Variants in TEX14 observed in about 807,000 individuals in gnomAD.
TEX14 encodes inactive serine/threonine-protein kinase TEX14.
Under a neutral mutation model 178.6 loss-of-function variants are expected in TEX14, and 168 were observed. The observed-to-expected ratio is 0.94, with a 90% CI of 0.83 to 1.07. The LOEUF (loss-of-function observed/expected upper bound fraction) is 1.07, where lower values mean the gene tolerates loss of function less well. TEX14 is among the 50% of genes least tolerant of loss of function. The pLI is 0.00. For synonymous variants in TEX14, 626 were observed against 634.1 expected, an observed-to-expected ratio of 0.99 and a Z score of 0.19; for missense variants, 1,730 against 1,753.6, an observed-to-expected ratio of 0.99 and a Z score of 0.24.
At position 58,588,241 on chromosome 17, in the gene TEX14, T is replaced by C. The variant is rs1481273021; in HGVS notation, c.2577-220A>G. On this transcript the variant is annotated intron_variant, in intron 15 of 31. Transcript: ENST00000349033. ...ATGGTTCAGGTGAGGGTTCTGCTCC[T>C]GCCCGTCCATCAGAATTCTCTGGTA... Among the ~76,000 whole-genome samples the C allele has an allele frequency of 3.3e-5, 5 of 152,322 alleles. No homozygotes were observed. In the South Asian group the frequency reaches 6.2e-4, roughly 19 times the overall value.
Position 58,616,199 on chromosome 17 carries a change from C to T in TEX14, c.743G>A (p.Ser248Asn), listed in dbSNP as rs766010390. 2 of 1,613,896 alleles carry T rather than the reference C, an allele frequency of 1.2e-6. No homozygotes were observed. The highest frequency in any genetic ancestry group is 2.2e-5 in the South Asian group (2 of 91,050). Residue 248 changes from serine (S) to asparagine (N), a missense_variant, in exon 7 of 32, where the codon AGC becomes AAC. Physicochemically the swap from Ser to Asn is conservative, Grantham distance 46. Transcript: ENST00000349033. Reference protein sequence around the residue: ...ADDEPTFSFFSGPYMVMTNLV... With the variant: ...ADDEPTFSFFNGPYMVMTNLV... ...CTTGGTCATGACCATGTAGGGGCCG[C>T]TGAAGAAAGAGAAGGTGGGCTCATC...
intron 2 of TEX14, chr17:58,631,888 C>G (rs550446017): frequency 7.9e-5 from 12 of 152,290 alleles, no homozygotes; most frequent in South Asian, 2.1e-4. Context: ...ACATATTATG[C>G]TGATGGTGAG....
intron 10 of TEX14, among the ~76,000 whole-genome samples, chr17:58,608,314 G>A (rs1054459870): frequency 6.6e-6 from 1 of 152,080 alleles, no homozygotes; most frequent in Non-Finnish European, 1.5e-5. Flanking sequence ...CTACTTGGGA[G>A]GCTGAGGCAG....
At chr17:58,591,772 T>C (rs1239059760) in intron 15 of TEX14, among the ~76,000 whole-genome samples, 1 of 149,714 alleles carries the variant, frequency 6.7e-6, no homozygotes, top group Non-Finnish European at 1.5e-5. Context: ...GAAAAACATA[T>C]ATTGGCTGGG....
intron 2 of TEX14, among the ~76,000 whole-genome samples, chr17:58,650,306 C>G (rs1308279285): frequency 2.6e-5 from 4 of 152,140 alleles, no homozygotes; most frequent in Non-Finnish European, 4.4e-5. Context: ...CCCTCCTTGG[C>G]CTCCCAAAGT....
At chr17:58,566,565 G>A (rs1455391867) in intron 26 of TEX14, among the ~76,000 whole-genome samples, 1 of 152,130 alleles carries the variant, frequency 6.6e-6, no homozygotes, top group Non-Finnish European at 1.5e-5. Flanking sequence ...TTGGGAGGCC[G>A]AGGCAGGGGG....
intron 5 of TEX14, among the ~76,000 whole-genome samples, chr17:58,619,298 T>C (rs1192663133): frequency 6.6e-6 from 1 of 152,182 alleles, no homozygotes; most frequent in Non-Finnish European, 1.5e-5. Flanking sequence ...CTTACCTAAA[T>C]TTCTCAGCAC....
chr17:58,613,541 C>G lies in TEX14; in HGVS notation c.885G>C (p.Lys295Asn), dbSNP rs1360506414. ...LLIAEQEHSSKLRHPYLLQLM... is the reference protein window; with the variant it reads ...LLIAEQEHSSNLRHPYLLQLM... ...ACTGTAGCAAGTAGGGGTGCCGCAG[C>G]TTGCTGCAAAAGAAAAGAAGCTTCA... is the stretch of plus-strand genomic sequence containing the variant. The change falls in exon 9 of 32, where the codon AAG becomes AAC. Residue 295 changes from lysine (K) to asparagine (N), a missense_variant. Lys to Asn is a moderately conservative substitution (Grantham distance 94). Around this residue, in one of 2 missense-constraint regions of TEX14, gnomAD observed 789 missense variants for 681.2 expected, o/e 1.16. Transcript: ENST00000349033. The G allele has an allele frequency of 6.2e-7, 1 of 1,613,598 alleles. No individual in the cohort carries two copies. Among genetic ancestry groups the G allele is most frequent in the African/African-American group, 1.3e-5 (1 of 74,996 alleles).
chr17:58,618,936 T>C (rs2045935873), intron 5 of TEX14, among the ~76,000 whole-genome samples: 1 of 152,250 alleles, frequency 6.6e-6, no homozygotes, highest in Non-Finnish European at 1.5e-5. Flanking sequence ...GATAATCAGC[T>C]ATATGGTCAC....
intron 1 of TEX14, among the ~76,000 whole-genome samples, chr17:58,685,435 C>CAAA (rs761981101): frequency 1.3e-5 from 1 of 78,658 alleles, no homozygotes; most frequent in African/African-American, 4.7e-5. Flanking sequence ...GACTCGGTGT[C>CAAA]AAAAAAAAAA....
At chr17:58,661,648 C>G (rs1567765267) in intron 1 of TEX14, 1 of 649,342 alleles carries the variant, frequency 1.5e-6, no homozygotes, top group African/African-American at 1.8e-5. Flanking sequence ...TCTGGACACA[C>G]GTAAAGATTC....
chr17:58,577,282 C>G (rs1428976132), intron 21 of TEX14, 93 bp downstream of exon 21: 13 of 510,068 alleles, frequency 2.5e-5, no homozygotes, highest in Non-Finnish European at 3.8e-5. Flanking sequence ...GCTAATACAT[C>G]TGAAGACAAG....
chr17:58,648,273 C>G (rs1432763972), intron 2 of TEX14, among the ~76,000 whole-genome samples: 1 of 152,188 alleles, frequency 6.6e-6, no homozygotes, highest in Non-Finnish European at 1.5e-5. Flanking sequence ...GAACCCCACA[C>G]AGGCCAGTGC....
intron 1 of TEX14, among the ~76,000 whole-genome samples, chr17:58,689,868 G>A (rs1463916449): frequency 7.2e-6 from 1 of 138,440 alleles, no homozygotes; most frequent in African/African-American, 2.7e-5. Flanking sequence ...TTTTTTTTCT[G>A]AGATGGAGTC....
intron 1 of TEX14, among the ~76,000 whole-genome samples, chr17:58,673,763 G>A (rs901454805): frequency 6.6e-6 from 1 of 151,630 alleles, no homozygotes; most frequent in African/African-American, 2.4e-5. Context: ...TCTACAGTTG[G>A]GGTTAAGCCA....
intron 9 of TEX14, 25 bp from the exon 10 acceptor site, chr17:58,611,364 CG>C: frequency 6.4e-7 from 1 of 1,557,180 alleles, no homozygotes. Flanking sequence ...TGAAATGCCA[CG>C]AAAAAAAAAA....
chr17:58,644,148 C>G (rs985794123), intron 2 of TEX14, among the ~76,000 whole-genome samples: 4 of 151,968 alleles, frequency 2.6e-5, no homozygotes, highest in Admixed American at 1.3e-4. Flanking sequence ...TCACCAATGA[C>G]CAATGATTTA....
rs2044225572 is a variant in TEX14, at chr17:58,559,450, TA to T, written c.4267+2del. ...TACATTATAAACATACATTAATTCATACCTTCTTCAGAAGTCCCTAGAACAC... is the reference window on the plus strand; with the variant it reads ...TACATTATAAACATACATTAATTCATCCTTCTTCAGAAGTCCCTAGAACAC... On this transcript the variant is annotated splice_donor_variant, in intron 30 of 31. Transcript: ENST00000349033. LOFTEE classifies it high-confidence loss of function. 4 of 1,251,886 alleles carry T rather than the reference TA, an allele frequency of 3.2e-6. No individual in the cohort carries two copies. Among genetic ancestry groups the T allele is most frequent in the Non-Finnish European group, 4.7e-6 (4 of 855,822 alleles). The allele number at this position is 1,251,886 out of a possible 1,614,324, so 77.5% of individuals were successfully genotyped here. A position where few individuals can be genotyped will look rare whatever the true frequency, so the allele number is the denominator to read the frequency against.
At chr17:58,622,593 T>C (rs1163472875) in intron 4 of TEX14, among the ~76,000 whole-genome samples, 2 of 152,196 alleles carry the variant, frequency 1.3e-5, no homozygotes, top group African/African-American at 2.4e-5. Context: ...AAACAACATC[T>C]GAGTCATGGT....
Sources: allele counts gnomAD v4.1 joint callset (sites outside exome capture counted in the v4.1 genomes callset), GRCh38; gene constraint gnomAD v4.1.1; regional missense constraint gnomAD v4.1.1; transcripts MANE v1.5; gene names NCBI Gene and HGNC (gene_info 2026-07-23, HGNC 2026-07-21).